The following THRB variants were observed in gnomAD, a reference collection of about 807,000 sequenced individuals.
THRB encodes thyroid hormone receptor beta, also known as nuclear receptor subfamily 1 group A member 2.
In THRB, 12 loss-of-function variants were observed where a neutral mutation model predicts 47.8. The ratio of observed to expected loss-of-function variants is 0.25; its 90% CI spans 0.16 to 0.41. The LOEUF (loss-of-function observed/expected upper bound fraction) is 0.41. Among genes scored for constraint, THRB ranks in the 10% least tolerant of loss-of-function variants. The pLI, the probability that THRB is intolerant of heterozygous loss-of-function variation, is 1.00. For synonymous variants in THRB, 218 were observed against 212.2 expected (o/e 1.03, Z -0.24); for missense variants, 348 against 589.2 (o/e 0.59, Z 4.24).
chr3:24,199,255 T>C (rs1415641480), intron 4 of THRB, among the ~76,000 whole-genome samples: 1 of 152,242 alleles, frequency 6.6e-6, no homozygotes, highest in East Asian at 1.9e-4. Context: ...GTTCAACTTT[T>C]GTCCGGTTAC....
At chr3:24,141,706 G>A (rs980177141) in intron 8 of THRB, among the ~76,000 whole-genome samples, 1 of 152,112 alleles carries the variant, frequency 6.6e-6, no homozygotes, top group Non-Finnish European at 1.5e-5. Context: ...TTCTCTATGG[G>A]GAGTAAAGAC....
intron 1 of THRB, among the ~76,000 whole-genome samples, chr3:24,339,238 C>T (rs1280204933): frequency 1.3e-5 from 2 of 151,926 alleles, no homozygotes; most frequent in Non-Finnish European, 2.9e-5. Context: ...CTGTGAAAAA[C>T]CTAAAAATTC....
At chr3:24,495,521 C>G (rs180941378), upstream of THRB, 1,149 of 152,590 alleles carry the variant, frequency 7.5e-3, 15 homozygotes, top group South Asian at 0.022. Context: ...CCGGCCGTGC[C>G]CTCCCAGGGT....
chr3:24,464,110 G>T lies in THRB; in HGVS notation c.-261+30542C>A, dbSNP rs183723880. Among the ~76,000 whole-genome samples, 643 of 152,214 alleles carry T rather than the reference G, an allele frequency of 4.2e-3. 6 individuals carry two copies. Among genetic ancestry groups the T allele is most frequent in the African/African-American group, 0.015 (622 of 41,540 alleles). On this transcript the variant is annotated intron_variant, in intron 1 of 10. Coordinates refer to ENST00000646209, the MANE Select transcript of THRB (RefSeq NM_001354712.2). ...AAATACAAAAAATTAGCCGGGCGAGGTGGCAGGCACCTGTAGTCCCAGCTA... is the reference window on the plus strand; with the variant it reads ...AAATACAAAAAATTAGCCGGGCGAGTTGGCAGGCACCTGTAGTCCCAGCTA...
At chr3:24,436,725 G>T (rs914665109) in intron 1 of THRB, among the ~76,000 whole-genome samples, 1 of 152,094 alleles carries the variant, frequency 6.6e-6, no homozygotes, top group African/African-American at 2.4e-5. Context: ...GGGGTGGCCT[G>T]GAAGATCACG....
At chr3:24,182,398 A>G (rs2042023673) in intron 5 of THRB, among the ~76,000 whole-genome samples, 1 of 152,148 alleles carries the variant, frequency 6.6e-6, no homozygotes, top group Non-Finnish European at 1.5e-5. Context: ...TGCTAGGTAC[A>G]TTAGCAATCC....
At chr3:24,487,427 A>G (rs1577948898) in intron 1 of THRB, among the ~76,000 whole-genome samples, 1 of 152,184 alleles carries the variant, frequency 6.6e-6, no homozygotes, top group Non-Finnish European at 1.5e-5. Context: ...TTGGACATTT[A>G]TAATGCATGC....
At chr3:24,327,032 G>A (rs897103663) in intron 2 of THRB, among the ~76,000 whole-genome samples, 1 of 151,952 alleles carries the variant, frequency 6.6e-6, no homozygotes, top group Non-Finnish European at 1.5e-5. Flanking sequence ...CAAAGTGATG[G>A]GATTACAGGC....
chr3:24,381,396 G>T (rs770221009), intron 1 of THRB, among the ~76,000 whole-genome samples: 2 of 152,104 alleles, frequency 1.3e-5, no homozygotes, highest in Non-Finnish European at 2.9e-5. Flanking sequence ...AATCCAGAGG[G>T]CAGGACTCTG....
intron 1 of THRB, among the ~76,000 whole-genome samples, chr3:24,389,656 C>A (rs752134096): frequency 3.3e-5 from 5 of 152,054 alleles, no homozygotes; most frequent in African/African-American, 4.8e-5. Flanking sequence ...TTCCAAGGAT[C>A]TTTCTACAAA....
chr3:24,367,317 G>C (rs1212896609), intron 1 of THRB, among the ~76,000 whole-genome samples: 2 of 152,136 alleles, frequency 1.3e-5, no homozygotes, highest in African/African-American at 4.8e-5. Flanking sequence ...TTAGAGTAAG[G>C]GATGGTAAAA....
In THRB at chr3:24,345,885, A is replaced by G. The variant is rs79834147; in HGVS notation, c.-260-8514T>C. Among the ~76,000 whole-genome samples the G allele has an allele frequency of 6.1e-4, 93 of 152,176 alleles. No homozygotes were observed. In the East Asian group the frequency reaches 0.011, roughly 19 times the overall value. On this transcript the variant is annotated intron_variant, in intron 1 of 10. Coordinates refer to ENST00000646209, the MANE Select transcript of THRB (RefSeq NM_001354712.2). ...CGTATACATATGTCATAATTTATCA[A>G]ATTGTATATTTTAAACACAATTTAT...
At chr3:24,188,438 T>TG (rs1029632655) in intron 5 of THRB, among the ~76,000 whole-genome samples, 2 of 152,250 alleles carry the variant, frequency 1.3e-5, no homozygotes, top group African/African-American at 4.8e-5. Flanking sequence ...ACCACTCTAC[T>TG]AAGCATCTTG....
intron 6 of THRB, among the ~76,000 whole-genome samples, chr3:24,147,217 T>C (rs949017733): frequency 6.6e-6 from 1 of 152,120 alleles, no homozygotes; most frequent in Admixed American, 6.5e-5. Context: ...TACTGAGTAA[T>C]AAGAGAGCTC....
chr3:24,278,428 G>C (rs1379020522), intron 3 of THRB, among the ~76,000 whole-genome samples: 1 of 152,138 alleles, frequency 6.6e-6, no homozygotes, highest in African/African-American at 2.4e-5. Context: ...CAAATGCCTG[G>C]CCCAAAAGCA....
intron 1 of THRB, among the ~76,000 whole-genome samples, chr3:24,442,986 T>A (rs891843585): frequency 6.6e-6 from 1 of 151,798 alleles, no homozygotes; most frequent in East Asian, 1.9e-4. Flanking sequence ...ATCGAGACCA[T>A]CCTGGCCAAC....
chr3:24,287,732 A>G (rs903600200), intron 3 of THRB, among the ~76,000 whole-genome samples: 9 of 152,178 alleles, frequency 5.9e-5, no homozygotes, highest in African/African-American at 2.2e-4. Flanking sequence ...GGGAGCAGGA[A>G]AGTTTGAAGG....
intron 2 of THRB, among the ~76,000 whole-genome samples, chr3:24,326,321 C>T (rs1345114168): frequency 6.6e-5 from 10 of 152,236 alleles, no homozygotes; most frequent in Admixed American, 1.3e-4. Context: ...CTGCAACCTC[C>T]GCCTCCCAGG....
intron 5 of THRB, among the ~76,000 whole-genome samples, chr3:24,160,732 GC>G (rs1262476675): frequency 5.3e-5 from 8 of 152,224 alleles, no homozygotes; most frequent in Non-Finnish European, 4.4e-5. Context: ...AGGGCGGGAA[GC>G]GGCTTGACTT....
Sources: gnomAD v4.1 joint callset for allele counts (sites outside exome capture counted in the v4.1 genomes callset) on GRCh38, gnomAD v4.1.1 for gene constraint, MANE v1.5 for transcripts, NCBI Gene and HGNC (gene_info 2026-07-23, HGNC 2026-07-21) for gene names.